The following ANKRD30BL variants were observed in gnomAD, a reference collection of about 807,000 sequenced individuals.
ANKRD30BL encodes ankyrin repeat domain 30B like, also known as putative ankyrin repeat domain-containing protein 30B-like.
Under a neutral mutation model 18.4 loss-of-function variants are expected in ANKRD30BL, and 20 were observed. The ratio of observed to expected loss-of-function variants is 1.09; its 90% CI spans 0.77 to 1.58. The LOEUF (loss-of-function observed/expected upper bound fraction) is 1.58. Ranked by LOEUF, ANKRD30BL falls within the 40% of genes most tolerant of loss-of-function variation. The pLI is 0.00. For synonymous variants in ANKRD30BL, 72 were observed against 100.9 expected, an observed-to-expected ratio of 0.71 and a Z score of 1.72; for missense variants, 224 against 268.6, an observed-to-expected ratio of 0.83 and a Z score of 1.16.
intron 1 of ANKRD30BL, among the ~76,000 whole-genome samples, chr2:132,246,280 G>C (rs576289305): frequency 1.3e-5 from 2 of 151,098 alleles, no homozygotes; most frequent in Non-Finnish European, 3.0e-5. Flanking sequence ...TGAGGTGTAC[G>C]GTGAAAAAGG....
chr2:132,172,127 T>C (rs1688293652), intron 1 of ANKRD30BL, among the ~76,000 whole-genome samples: 2 of 152,272 alleles, frequency 1.3e-5, no homozygotes, highest in African/African-American at 4.8e-5. Context: ...CATTTATTGA[T>C]GAACATTTGA....
chr2:132,243,052 C>T (rs999391137), intron 1 of ANKRD30BL, among the ~76,000 whole-genome samples: 3 of 151,454 alleles, frequency 2.0e-5, no homozygotes, highest in African/African-American at 4.8e-5. Context: ...ACGGGAATAT[C>T]TTCACATAAA....
At chr2:132,217,274 T>C (rs370095599) in intron 1 of ANKRD30BL, among the ~76,000 whole-genome samples, 1 of 149,356 alleles carries the variant, frequency 6.7e-6, no homozygotes, top group Non-Finnish European at 1.5e-5. Flanking sequence ...TCACATAATC[T>C]CTAGAGAGAA....
chr2:132,185,042 G>C (rs538756653), intron 1 of ANKRD30BL, among the ~76,000 whole-genome samples: 1 of 152,206 alleles, frequency 6.6e-6, no homozygotes, highest in East Asian at 1.9e-4. Flanking sequence ...TCGATCTCCT[G>C]ACCTCGTGAT....
Position 132,148,243 on chromosome 2 carries a change from G to A in ANKRD30BL, c.680-15C>T, listed in dbSNP as rs1316586331. Reference sequence around the variant, plus strand: ...AGATGTTCCTTCTGCCAAACACAGAGTCTGGTTAAATTTTCCTTCGCTAAA... The same window carrying A: ...AGATGTTCCTTCTGCCAAACACAGAATCTGGTTAAATTTTCCTTCGCTAAA... On this transcript the variant is annotated splice_polypyrimidine_tract_variant and intron_variant, in intron 5 of 5. Coordinates refer to ENST00000409867, the MANE Select transcript of ANKRD30BL (RefSeq NM_001358416.1). 6.3e-7 allele frequency: 1 copy of A among 1,587,496 alleles called. No homozygotes were observed. The highest frequency in any genetic ancestry group is 8.6e-7 in the Non-Finnish European group (1 of 1,166,370).
At chr2:132,254,471 C>G (rs1315384847) in intron 1 of ANKRD30BL, among the ~76,000 whole-genome samples, 1 of 152,182 alleles carries the variant, frequency 6.6e-6, no homozygotes, top group Non-Finnish European at 1.5e-5. Context: ...CGGGCTGATC[C>G]GAGGGCCTCA....
chr2:132,221,327 T>G (rs1255650311), intron 1 of ANKRD30BL, among the ~76,000 whole-genome samples: 4 of 133,954 alleles, frequency 3.0e-5, no homozygotes, highest in Non-Finnish European at 4.8e-5. Context: ...GGTGGGGGGG[T>G]CAGCCCCCCG....
intron 1 of ANKRD30BL, among the ~76,000 whole-genome samples, chr2:132,237,654 G>A (rs78306908): frequency 6.6e-6 from 1 of 150,942 alleles, no homozygotes; most frequent in Non-Finnish European, 1.5e-5. Context: ...CTCAGAAACT[G>A]CTTTGTGATG....
intron 1 of ANKRD30BL, among the ~76,000 whole-genome samples, chr2:132,216,367 C>G (rs1309329431): frequency 6.6e-6 from 1 of 151,920 alleles, no homozygotes; most frequent in Non-Finnish European, 1.5e-5. Flanking sequence ...CACATAAGAG[C>G]TAGACAGAAG....
chr2:132,207,709 A>C (rs1373797539), intron 1 of ANKRD30BL, among the ~76,000 whole-genome samples: 2 of 152,142 alleles, frequency 1.3e-5, no homozygotes, highest in Non-Finnish European at 2.9e-5. Flanking sequence ...CTCCTCAGGA[A>C]TCCAGTCATA....
intron 1 of ANKRD30BL, among the ~76,000 whole-genome samples, chr2:132,221,008 C>T (rs1209413374): frequency 9.0e-5 from 13 of 144,504 alleles, no homozygotes; most frequent in Non-Finnish European, 1.7e-4. Flanking sequence ...GCACCTCTGC[C>T]CCGCCGCCCT....
chr2:132,170,636 A>G (rs1688262134), intron 1 of ANKRD30BL, among the ~76,000 whole-genome samples: 1 of 152,226 alleles, frequency 6.6e-6, no homozygotes, highest in South Asian at 2.1e-4. Flanking sequence ...CTATTAAGGA[A>G]TAAGATTGTA....
chr2:132,231,078 G>C (rs1442302501), intron 1 of ANKRD30BL, among the ~76,000 whole-genome samples: 1 of 151,284 alleles, frequency 6.6e-6, no homozygotes, highest in African/African-American at 2.4e-5. Flanking sequence ...TGAAAGAGCA[G>C]GTTTGAAACA....
intron 1 of ANKRD30BL, among the ~76,000 whole-genome samples, chr2:132,189,627 C>T (rs1267368806): frequency 1.3e-5 from 2 of 151,286 alleles, no homozygotes; most frequent in African/African-American, 4.9e-5. Context: ...GAAACACAAT[C>T]GCTGGTGATG....
chr2:132,175,064 C>T (rs1216532952), intron 1 of ANKRD30BL, among the ~76,000 whole-genome samples: 1 of 152,012 alleles, frequency 6.6e-6, no homozygotes, highest in Non-Finnish European at 1.5e-5. Flanking sequence ...TATTTCTAGT[C>T]AGGTGGGATG....
intron 1 of ANKRD30BL, among the ~76,000 whole-genome samples, chr2:132,237,577 T>C (rs1314262276): frequency 6.6e-6 from 1 of 152,062 alleles, no homozygotes; most frequent in Non-Finnish European, 1.5e-5. Flanking sequence ...CAAGTGGATA[T>C]TCGGACAGCT....
intron 1 of ANKRD30BL, among the ~76,000 whole-genome samples, chr2:132,235,958 C>G (rs1359835404): frequency 3.9e-5 from 6 of 152,034 alleles, no homozygotes. Flanking sequence ...GCTACAGTAA[C>G]CAAAACAGCA....
At chr2:132,175,166 C>CCGG (rs1445121374) in intron 1 of ANKRD30BL, among the ~76,000 whole-genome samples, 1 of 151,396 alleles carries the variant, frequency 6.6e-6, no homozygotes, top group African/African-American at 2.4e-5. Context: ...CAAGGACGTG[C>CCGG]ACCAGCACCG....
chr2:132,225,245 T>C (rs991641798), intron 1 of ANKRD30BL, among the ~76,000 whole-genome samples: 1 of 151,982 alleles, frequency 6.6e-6, no homozygotes, highest in Non-Finnish European at 1.5e-5. Context: ...ATAGAGCAGG[T>C]TTGAAACACT....
Sources: allele counts gnomAD v4.1 joint callset (sites outside exome capture counted in the v4.1 genomes callset), GRCh38; gene constraint gnomAD v4.1.1; transcripts MANE v1.5; gene names NCBI Gene and HGNC (gene_info 2026-07-23, HGNC 2026-07-21).